Variants in DPYSL3 observed in about 807,000 individuals in gnomAD.
DPYSL3 encodes dihydropyrimidinase-related protein 3.
DPYSL3 carries 16 observed loss-of-function variants against 66.1 expected under a neutral mutation model. The observed-to-expected ratio is 0.24, with a 90% CI of 0.16 to 0.37. The LOEUF (loss-of-function observed/expected upper bound fraction) is 0.37, where lower values mean the gene tolerates loss of function less well. Among genes scored for constraint, DPYSL3 ranks in the 10% least tolerant of loss-of-function variants. The pLI is 1.00. For missense variants in DPYSL3, 738 were observed against 916.2 expected (o/e 0.81, Z 2.51); for synonymous variants, 338 against 345.1 (o/e 0.98, Z 0.23).
intron 12 of DPYSL3, among the ~76,000 whole-genome samples, chr5:147,397,193 C>T (rs920082751): frequency 2.2e-5 from 3 of 139,464 alleles, no homozygotes; most frequent in Admixed American, 7.5e-5. Flanking sequence ...TATATATACA[C>T]ACATATCTCT....
chr5:147,396,962 G>A (rs1394733354), intron 12 of DPYSL3, among the ~76,000 whole-genome samples: 2 of 131,388 alleles, frequency 1.5e-5, no homozygotes, highest in Admixed American at 7.9e-5. Context: ...ACGCATTTTT[G>A]TTTTTAATTA....
intron 1 of DPYSL3, chr5:147,453,648 G>A (rs950574003): frequency 2.7e-6 from 4 of 1,504,072 alleles, no homozygotes; most frequent in Middle Eastern, 2.0e-4. Flanking sequence ...CGGCTCGCCC[G>A]CGCCTTCCTC....
chr5:147,438,922 A>G (rs1023040649), intron 1 of DPYSL3, among the ~76,000 whole-genome samples: 1 of 152,164 alleles, frequency 6.6e-6, no homozygotes, highest in Non-Finnish European at 1.5e-5. Context: ...TTATCATTCC[A>G]TTCATTCAGG....
intron 7 of DPYSL3, among the ~76,000 whole-genome samples, chr5:147,406,927 C>T (rs376865485): frequency 6.8e-4 from 104 of 152,286 alleles, no homozygotes; most frequent in African/African-American, 2.4e-3. Context: ...AGCTGGCCTC[C>T]CCCAAGCTGC....
At chr5:147,460,846 C>T (rs1336448308) in intron 1 of DPYSL3, among the ~76,000 whole-genome samples, 1 of 152,156 alleles carries the variant, frequency 6.6e-6, no homozygotes, top group East Asian at 1.9e-4. Flanking sequence ...GTAGGAAGGA[C>T]CCTGCAACGC....
intron 1 of DPYSL3, among the ~76,000 whole-genome samples, chr5:147,480,707 T>TA (rs1491539293): frequency 2.4e-5 from 1 of 41,230 alleles, no homozygotes; most frequent in African/African-American, 1.1e-4. Context: ...ATATATATAT[T>TA]ATTATTATTA....
rs752155595 is a variant in DPYSL3, at chr5:147,394,143, C to T, written c.1967-20G>A. 6 of 1,610,708 alleles carry T rather than the reference C, an allele frequency of 3.7e-6. No individual in the cohort carries two copies. Among genetic ancestry groups the T allele is most frequent in the Non-Finnish European group, 8.5e-7 (1 of 1,179,036 alleles). ...GGGTGCCTACAGTTGGAAATAAATT[C>T]CCAGGGGGAAAAAAAAAACAGAGTG... On this transcript the variant is annotated intron_variant, in intron 13 of 13. Coordinates refer to ENST00000343218, the MANE Select transcript of DPYSL3 (RefSeq NM_001197294.2).
At position 147,395,704 on chromosome 5, in the gene DPYSL3, G is replaced by A. The variant is rs1448805202; in HGVS notation, c.1821C>T (p.Ala607=). 8.1e-6 allele frequency: 13 copies of A among 1,613,870 alleles called. No individual in the cohort carries two copies. Among genetic ancestry groups the A allele is most frequent in the Middle Eastern group, 1.7e-4 (1 of 6,060 alleles). The part of the protein sequence containing the change: ...KARRKMADLH[A]VPRGMYDGPV... ...GCCCATCGTACATGCCCCTTGGGAC[G>A]GCATGCAGGTCTGCCATCTGCAGCC... Residue 607 remains alanine, a synonymous_variant, in exon 13 of 14, where the codon GCC becomes GCT. Coordinates refer to ENST00000343218, the MANE Select transcript of DPYSL3 (RefSeq NM_001197294.2).
chr5:147,425,065 A>G (rs1213628139), intron 1 of DPYSL3, 102 bp from the exon 2 acceptor site: 2 of 829,344 alleles, frequency 2.4e-6, no homozygotes, highest in East Asian at 5.1e-5. Context: ...GTCTAGTAGA[A>G]ACACATTTAC....
intron 8 of DPYSL3, among the ~76,000 whole-genome samples, chr5:147,403,966 T>C (rs1459775271): frequency 6.6e-6 from 1 of 152,148 alleles, no homozygotes; most frequent in East Asian, 1.9e-4. Flanking sequence ...TAAAACACCC[T>C]GTCCCGAGCG....
Position 147,397,742 on chromosome 5 carries a change from G to A in DPYSL3, c.1727C>T (p.Thr576Ile). 6.2e-7 allele frequency: 1 copy of A among 1,614,164 alleles called. No homozygotes were observed. Among genetic ancestry groups the A allele is most frequent in the Non-Finnish European group, 8.5e-7 (1 of 1,180,042 alleles). Residue 576 changes from threonine to isoleucine, a missense_variant, in exon 12 of 14, where the codon ACC (threonine) becomes ATC (isoleucine). Physicochemically the swap from Thr to Ile is moderately conservative, Grantham distance 89. Coordinates refer to ENST00000343218, the MANE Select transcript of DPYSL3 (RefSeq NM_001197294.2). ...GGGTATGAAGCGGCCAGCCCCCTGG[G>A]TCACGTGCAGGTTGCCATCTTCCAG... is the stretch of plus-strand genomic sequence containing the variant. Reference protein sequence around the residue: ...IMLEDGNLHVTQGAGRFIPCS... With the variant: ...IMLEDGNLHVIQGAGRFIPCS...
intron 1 of DPYSL3, among the ~76,000 whole-genome samples, chr5:147,500,627 A>AG (rs1329039332): frequency 2.0e-5 from 3 of 152,020 alleles, no homozygotes; most frequent in African/African-American, 7.2e-5. Context: ...AAAAAAAAAA[A>AG]AAACTCAATG....
At chr5:147,457,263 C>T (rs1424286847) in intron 1 of DPYSL3, among the ~76,000 whole-genome samples, 1 of 152,076 alleles carries the variant, frequency 6.6e-6, no homozygotes, top group African/African-American at 2.4e-5. Context: ...TACTTTTTAC[C>T]ACATGACATA....
At chr5:147,410,358 A>G (rs796423981) in intron 6 of DPYSL3, among the ~76,000 whole-genome samples, 47 of 152,298 alleles carry the variant, frequency 3.1e-4, no homozygotes, top group African/African-American at 1.1e-3. Context: ...CTGGAATTAG[A>G]AAAATTTGGT....
At position 147,493,908 on chromosome 5, in the gene DPYSL3, A is replaced by G. The variant is rs1026967945; in HGVS notation, c.381+15570T>C. 2.0e-5 allele frequency among the ~76,000 whole-genome samples: 3 copies of G among 152,318 alleles called. No homozygotes were observed. The East Asian group carries it at 5.8e-4, about 29-fold the overall frequency. On this transcript the variant is annotated intron_variant, in intron 1 of 13. Transcript: ENST00000343218. ...AAATACGTGGATATTAAACAATATA[A>G]CTGGCCAGGCGCAGTGGCTCATGCC...
chr5:147,396,859 ATG>A (rs768494017), intron 12 of DPYSL3, among the ~76,000 whole-genome samples: 5 of 113,864 alleles, frequency 4.4e-5, no homozygotes, highest in Non-Finnish European at 7.0e-5. Context: ...ATATCTGTAT[ATG>A]TGTGTATATA....
intron 1 of DPYSL3, among the ~76,000 whole-genome samples, chr5:147,500,769 C>A (rs1283411462): frequency 6.6e-6 from 1 of 152,108 alleles, no homozygotes; most frequent in Non-Finnish European, 1.5e-5. Flanking sequence ...CAATGAGATA[C>A]CACTACACAC....
chr5:147,427,720 C>T (rs1434879113), intron 1 of DPYSL3, among the ~76,000 whole-genome samples: 1 of 152,130 alleles, frequency 6.6e-6, no homozygotes, highest in African/African-American at 2.4e-5. Flanking sequence ...AACCACTGCC[C>T]TCCTGCCTGC....
At chr5:147,462,720 T>G (rs77537743) in intron 1 of DPYSL3, among the ~76,000 whole-genome samples, 4,968 of 152,184 alleles carry the variant, frequency 0.033, 305 homozygotes, top group African/African-American at 0.11. Flanking sequence ...AAGTGTTCTG[T>G]AACAGATTTG....
Sources: allele counts gnomAD v4.1 joint callset (sites outside exome capture counted in the v4.1 genomes callset), GRCh38; gene constraint gnomAD v4.1.1; transcripts MANE v1.5; gene names NCBI Gene and HGNC (gene_info 2026-07-23, HGNC 2026-07-21).